Variants in SLC44A5 observed in about 807,000 individuals in gnomAD.
The protein encoded by SLC44A5 is choline transporter-like protein 5.
Under a neutral mutation model 101.8 loss-of-function variants are expected in SLC44A5, and 57 were observed. That is an observed-to-expected ratio of 0.56 (90% CI 0.45 to 0.70). SLC44A5 has a LOEUF of 0.70. SLC44A5 is among the 30% of genes least tolerant of loss of function. The probability of loss-of-function intolerance (pLI) is 0.00; values close to 1 mark genes in which losing one functional copy is unlikely to be tolerated. For missense variants in SLC44A5, 737 were observed against 853.1 expected (o/e 0.86, Z 1.70); for synonymous variants, 281 against 290.9 (o/e 0.97, Z 0.35).
At chr1:75,474,579 A>G (rs1287683012) in intron 2 of SLC44A5, among the ~76,000 whole-genome samples, 8 of 152,246 alleles carry the variant, frequency 5.3e-5, no homozygotes, top group Non-Finnish European at 1.5e-5. Flanking sequence ...ATTTACGTGT[A>G]ATGTTACACA....
chr1:75,395,768 A>G (rs1662085271), intron 3 of SLC44A5, among the ~76,000 whole-genome samples: 1 of 152,134 alleles, frequency 6.6e-6, no homozygotes, highest in Middle Eastern at 3.2e-3. Flanking sequence ...CATATCCATC[A>G]CCTTGCTATG....
At chr1:75,702,279 G>A in the SLC44A5 span, among the ~76,000 whole-genome samples, 5,099 of 152,180 alleles carry the variant, frequency 0.034, 297 homozygotes, top group African/African-American at 0.11. Flanking sequence ...CTACAATAAC[G>A]AAAACAGCAT....
intron 2 of SLC44A5, among the ~76,000 whole-genome samples, chr1:75,498,847 A>G (rs1157728516): frequency 6.6e-6 from 1 of 152,236 alleles, no homozygotes; most frequent in Non-Finnish European, 1.5e-5. Flanking sequence ...ATATATTGAA[A>G]GTCAAGTTTT....
the SLC44A5 span, among the ~76,000 whole-genome samples, chr1:75,696,584 C>T: frequency 1.2e-3 from 176 of 152,184 alleles, 1 homozygote; most frequent in African/African-American, 4.0e-3. Context: ...GGAAATATGT[C>T]GACTCTCTTA....
the SLC44A5 span, among the ~76,000 whole-genome samples, chr1:75,666,943 A>G: frequency 6.6e-6 from 1 of 152,224 alleles, no homozygotes; most frequent in Non-Finnish European, 1.5e-5. Flanking sequence ...ATCTCAAAAT[A>G]ATAAGAGCTA....
chr1:75,386,877 A>G (rs926518644), intron 3 of SLC44A5, among the ~76,000 whole-genome samples: 12 of 152,192 alleles, frequency 7.9e-5, no homozygotes, highest in African/African-American at 2.4e-4. Context: ...GATCAATGGA[A>G]CAGAACAGAA....
At chr1:75,455,002 C>T (rs1666107207) in intron 2 of SLC44A5, among the ~76,000 whole-genome samples, 1 of 151,898 alleles carries the variant, frequency 6.6e-6, no homozygotes, top group Non-Finnish European at 1.5e-5. Context: ...ATCATCTTCA[C>T]AGAAATAGAA....
intron 1 of SLC44A5, among the ~76,000 whole-genome samples, chr1:75,548,483 A>T (rs1671770030): frequency 2.6e-5 from 4 of 151,934 alleles, no homozygotes; most frequent in Admixed American, 2.0e-4. Context: ...ATTTTTTTTT[A>T]TTTCTGAAGC....
chr1:75,494,665 T>A (rs1170642923), intron 2 of SLC44A5, among the ~76,000 whole-genome samples: 1 of 152,136 alleles, frequency 6.6e-6, no homozygotes, highest in Non-Finnish European at 1.5e-5. Flanking sequence ...CACCTTTATC[T>A]GACAGCTGAT....
intron 2 of SLC44A5, among the ~76,000 whole-genome samples, chr1:75,461,104 T>C (rs933761918): frequency 6.6e-6 from 1 of 151,942 alleles, no homozygotes; most frequent in Non-Finnish European, 1.5e-5. Flanking sequence ...TTAAACAAAA[T>C]GTCATGCACC....
At chr1:75,541,830 G>A (rs1174150208) in intron 1 of SLC44A5, among the ~76,000 whole-genome samples, 5 of 151,946 alleles carry the variant, frequency 3.3e-5, no homozygotes, top group Non-Finnish European at 7.4e-5. Context: ...CTAACCAGTT[G>A]ATATTCTATC....
chr1:75,648,773 A>C, the SLC44A5 span, among the ~76,000 whole-genome samples: 1 of 147,064 alleles, frequency 6.8e-6, no homozygotes, highest in Non-Finnish European at 1.5e-5. Flanking sequence ...ATGGGAAAAA[A>C]AAGGATTTTT....
the SLC44A5 span, among the ~76,000 whole-genome samples, chr1:75,705,316 A>G: frequency 2.0e-5 from 3 of 152,136 alleles, no homozygotes; most frequent in African/African-American, 7.2e-5. Flanking sequence ...AATAAAAATG[A>G]GTTGCATTGC....
At chr1:75,703,716 T>C in the SLC44A5 span, among the ~76,000 whole-genome samples, 89 of 151,922 alleles carry the variant, frequency 5.9e-4, no homozygotes, top group African/African-American at 1.9e-3. Context: ...TCAGAAGGCA[T>C]ACAGCACGTT....
intron 2 of SLC44A5, among the ~76,000 whole-genome samples, chr1:75,418,099 A>G (rs1406224724): frequency 6.6e-6 from 1 of 152,126 alleles, no homozygotes; most frequent in East Asian, 1.9e-4. Flanking sequence ...ACATTTAGAT[A>G]TTTTCTTATA....
At chr1:75,454,741 CA>C (rs1666094369) in intron 2 of SLC44A5, among the ~76,000 whole-genome samples, 1 of 151,366 alleles carries the variant, frequency 6.6e-6, no homozygotes, top group Non-Finnish European at 1.5e-5. Flanking sequence ...TTCTATACAT[CA>C]AAAATATTCA....
rs537222324 is a variant in SLC44A5 at position 75,228,883 on chromosome 1, T to C, written c.854-1026A>G. Among the ~76,000 whole-genome samples the C allele has an allele frequency of 3.9e-5, 6 of 151,910 alleles. No individual in the cohort carries two copies. The East Asian group carries it at 5.9e-4, about 15-fold the overall frequency. The stretch of plus-strand genomic sequence containing the variant: ...TACATTTTAAATAAATTAGTTAGCA[T>C]GTAGGTAAAGCTAAACAAATTTTGC... On this transcript the variant is annotated intron_variant, in intron 12 of 23. Coordinates refer to ENST00000370859, the MANE Select transcript of SLC44A5 (RefSeq NM_001130058.2).
intron 3 of SLC44A5, among the ~76,000 whole-genome samples, chr1:75,389,084 A>C (rs1200282403): frequency 6.6e-6 from 1 of 152,192 alleles, no homozygotes; most frequent in Non-Finnish European, 1.5e-5. Flanking sequence ...AAGACAAAAA[A>C]AGGGTATTAC....
At chr1:75,712,005 C>A in the SLC44A5 span, among the ~76,000 whole-genome samples, 1 of 152,210 alleles carries the variant, frequency 6.6e-6, no homozygotes, top group Non-Finnish European at 1.5e-5. Flanking sequence ...CTTTGGCTCT[C>A]AAAGGATTTT....
Sources: gnomAD v4.1 joint callset for allele counts (sites outside exome capture counted in the v4.1 genomes callset) on GRCh38, gnomAD v4.1.1 for gene constraint, MANE v1.5 for transcripts, NCBI Gene and HGNC (gene_info 2026-07-23, HGNC 2026-07-21) for gene names.